The following MAP3K1 variants were observed in gnomAD, a reference collection of about 807,000 sequenced individuals.
MAP3K1 encodes the protein mitogen-activated protein kinase kinase kinase 1, also known as MAP/ERK kinase kinase 1.
A neutral mutation model predicts 144.2 loss-of-function variants in MAP3K1; 36 were observed. That is an observed-to-expected ratio of 0.25 (90% CI 0.19 to 0.33). MAP3K1 has a LOEUF of 0.33. Ranked by LOEUF, MAP3K1 falls within the 10% of genes least tolerant of loss-of-function variation. The pLI is 1.00. For missense variants in MAP3K1, 1,650 were observed against 1,881.9 expected, an observed-to-expected ratio of 0.88 and a Z score of 2.28; for synonymous variants, 718 against 688.7, an observed-to-expected ratio of 1.04 and a Z score of -0.67.
intron 1 of MAP3K1, among the ~76,000 whole-genome samples, chr5:56,839,274 G>C (rs552983901): frequency 7.2e-5 from 11 of 152,236 alleles, no homozygotes; most frequent in South Asian, 4.2e-4. Context: ...TAGTATATTG[G>C]GACATTTTTG....
At position 56,856,739 on chromosome 5, in the gene MAP3K1, C is replaced by T. The variant is rs2111864472; in HGVS notation, c.622C>T (p.Arg208Ter). The T allele has an allele frequency of 6.2e-7, 1 of 1,613,756 alleles. No homozygotes were observed. The change falls in exon 2 of 20, where the codon CGA (arginine) becomes TGA (stop). Residue 208 changes from arginine to a stop codon, truncating the protein, a stop_gained. Coordinates refer to ENST00000399503, the MANE Select transcript of MAP3K1 (RefSeq NM_005921.2). LOFTEE classifies it high-confidence loss of function. ...CGAATGGTTGGAAAGGAGAAATAGG[C>T]GAGGGCCTGTGGTAAGTGGCTATGG... ...KHEWLERRNR[R>*]GPVVVKPIPV...
intron 1 of MAP3K1, among the ~76,000 whole-genome samples, chr5:56,827,360 A>G (rs906333864): frequency 2.6e-5 from 4 of 152,238 alleles, no homozygotes; most frequent in Non-Finnish European, 5.9e-5. Flanking sequence ...GGAGGCCCCA[A>G]GAAGGATTTA....
chr5:56,888,991 A>G (rs1748466522), intron 19 of MAP3K1, among the ~76,000 whole-genome samples: 1 of 152,224 alleles, frequency 6.6e-6, no homozygotes, highest in South Asian at 2.1e-4. Flanking sequence ...TTAAGTTGCT[A>G]CAAATATTGA....
intron 1 of MAP3K1, among the ~76,000 whole-genome samples, chr5:56,842,613 A>G (rs1746848413): frequency 6.6e-6 from 1 of 152,226 alleles, no homozygotes; most frequent in African/African-American, 2.4e-5. Context: ...ATGTTCATTT[A>G]AAAAGTGAGG....
chr5:56,856,628 A>G lies in MAP3K1; in HGVS notation c.511A>G (p.Lys171Glu). ...TGAGATGGAGAATAAAGAAACTCTC[A>G]AAGGGTTGCACAAGATGGATGATCG... ...GREMENKETL[K>E]GLHKMDDRPE... The change falls in exon 2 of 20, where the codon AAA becomes GAA. Residue 171 changes from lysine (K) to glutamate (E), a missense_variant. Around this residue, in one of 6 missense-constraint regions of MAP3K1, gnomAD observed 360 missense variants for 274.7 expected, o/e 1.31. Transcript: ENST00000399503. 2 of 1,613,924 alleles carry G rather than the reference A, an allele frequency of 1.2e-6. No individual in the cohort carries two copies. Among genetic ancestry groups the G allele is most frequent in the Non-Finnish European group, 1.7e-6 (2 of 1,179,838 alleles).
Position 56,882,029 on chromosome 5 carries a change from A to G in MAP3K1, c.2829A>G (p.Thr943=). The G allele has an allele frequency of 4.4e-6, 7 of 1,596,706 alleles. No individual in the cohort carries two copies. The highest frequency in any genetic ancestry group is 6.0e-6 in the Non-Finnish European group (7 of 1,167,004). Residue 943 remains threonine, a synonymous_variant, in exon 14 of 20, where the codon ACA becomes ACG. Transcript: ENST00000399503. ...SISVGPSSST[T]TTTTTTEQPK... ...CAGTAGGACCTTCTAGTTCAACAACAACAACAACAACAACAACAGAGCAAC... is the reference window on the plus strand; with the variant it reads ...CAGTAGGACCTTCTAGTTCAACAACGACAACAACAACAACAACAGAGCAAC...
At chr5:56,888,084 T>C (rs1281245216) in intron 18 of MAP3K1, 142 bp from the exon 19 acceptor site, 1 of 694,972 alleles carries the variant, frequency 1.4e-6, no homozygotes, top group Non-Finnish European at 2.5e-6. Context: ...ATTAATGAAA[T>C]AAATTAGATA....
chr5:56,893,822 A>G lies in MAP3K1; in HGVS notation c.*142A>G. 1.2e-6 allele frequency: 1 copy of G among 848,156 alleles called. No individual in the cohort carries two copies. Among genetic ancestry groups the G allele is most frequent in the South Asian group, 1.4e-5 (1 of 69,024 alleles). 52.5% of individuals were successfully genotyped at this position (848,156 alleles called of 1,614,324 possible). ...GCCAGTGGGGAACCCTTACCTAAGT[A>G]TGTGATTGACAAATCATGATCTGTA... On this transcript the variant is annotated 3_prime_UTR_variant, in exon 20 of 20. Transcript: ENST00000399503.
At chr5:56,843,201 G>C (rs1039271498) in intron 1 of MAP3K1, among the ~76,000 whole-genome samples, 2 of 152,148 alleles carry the variant, frequency 1.3e-5, no homozygotes, top group Non-Finnish European at 2.9e-5. Flanking sequence ...CCACCCACCA[G>C]TTCTTCCTGA....
intron 1 of MAP3K1, among the ~76,000 whole-genome samples, chr5:56,841,529 T>C (rs575669137): frequency 3.9e-5 from 6 of 152,254 alleles, no homozygotes; most frequent in Middle Eastern, 3.4e-3. Flanking sequence ...TTCAAAAACA[T>C]GGAGAGCCAC....
At position 56,872,041 on chromosome 5, in the gene MAP3K1, T is replaced by C; in HGVS notation, c.1423+10T>C. 1 of 1,613,974 alleles carries C rather than the reference T, an allele frequency of 6.2e-7. No individual in the cohort carries two copies. Among genetic ancestry groups the C allele is most frequent in the Non-Finnish European group, 8.5e-7 (1 of 1,179,892 alleles). Reference sequence around the variant, plus strand: ...CACTGCATGTCAATTTGTATGTGGCTCTTTTTCTCCCTATGCTTACTCAAC... The same window carrying C: ...CACTGCATGTCAATTTGTATGTGGCCCTTTTTCTCCCTATGCTTACTCAAC... On this transcript the variant is annotated intron_variant, in intron 7 of 19. Coordinates refer to ENST00000399503, the MANE Select transcript of MAP3K1 (RefSeq NM_005921.2).
chr5:56,830,636 T>C (rs1746457261), intron 1 of MAP3K1, among the ~76,000 whole-genome samples: 1 of 152,216 alleles, frequency 6.6e-6, no homozygotes, highest in South Asian at 2.1e-4. Flanking sequence ...AAATCATTTA[T>C]TGAGCATTGA....
At chr5:56,873,114 C>G (rs1438438740) in intron 9 of MAP3K1, 109 bp downstream of exon 9, 4 of 1,013,080 alleles carry the variant, frequency 3.9e-6, no homozygotes, top group Non-Finnish European at 6.0e-6. Flanking sequence ...TTTTACTTGC[C>G]TCCATCATGA....
intron 1 of MAP3K1, among the ~76,000 whole-genome samples, chr5:56,849,594 T>C (rs1347729769): frequency 6.6e-6 from 1 of 152,314 alleles, no homozygotes; most frequent in Non-Finnish European, 1.5e-5. Flanking sequence ...ACCTATGTTA[T>C]AAATGTTGTA....
Position 56,895,710 on chromosome 5 carries a change from TTC to T in MAP3K1, c.*2032_*2033del, listed in dbSNP as rs1428115151. On this transcript the variant is annotated 3_prime_UTR_variant, in exon 20 of 20. Transcript: ENST00000399503. ...TTTTCAATGCAAATGTGATGTAATA[TTC>T]TTATTTTCTTTGGATCAAAGCTGGA... is the stretch of plus-strand genomic sequence containing the variant. 4.3e-6 allele frequency: 1 copy of T among 232,288 alleles called. No homozygotes were observed. Among genetic ancestry groups the T allele is most frequent in the African/African-American group, 2.2e-5 (1 of 45,344 alleles). 14.4% of individuals were successfully genotyped at this position (232,288 alleles called of 1,614,324 possible).
chr5:56,864,245 A>G (rs756745553), intron 3 of MAP3K1, among the ~76,000 whole-genome samples: 1 of 152,190 alleles, frequency 6.6e-6, no homozygotes, highest in Non-Finnish European at 1.5e-5. Context: ...CTGAGATTTT[A>G]AAAGTTCACC....
At chr5:56,855,529 G>A (rs1197335641) in intron 1 of MAP3K1, among the ~76,000 whole-genome samples, 1 of 152,138 alleles carries the variant, frequency 6.6e-6, no homozygotes, top group Non-Finnish European at 1.5e-5. Flanking sequence ...AGTGAAACGG[G>A]TTAACCGTTT....
At chr5:56,881,530 A>G in intron 13 of MAP3K1, 40 bp from the exon 14 acceptor site, 1 of 1,469,290 alleles carries the variant, frequency 6.8e-7, no homozygotes, top group Non-Finnish European at 9.5e-7. Flanking sequence ...ATTTTTCAGT[A>G]ATTGGAACTT....
intron 19 of MAP3K1, among the ~76,000 whole-genome samples, chr5:56,890,039 C>T (rs183228416): frequency 1.3e-5 from 2 of 152,122 alleles, no homozygotes; most frequent in African/African-American, 4.8e-5. Context: ...TTGGGCACCC[C>T]CTTTTTACTC....
Sources: allele counts gnomAD v4.1 joint callset (sites outside exome capture counted in the v4.1 genomes callset), GRCh38; gene constraint gnomAD v4.1.1; regional missense constraint gnomAD v4.1.1; transcripts MANE v1.5; gene names NCBI Gene and HGNC (gene_info 2026-07-23, HGNC 2026-07-21).